ZNF878: variants seen among roughly 807,000 people sequenced by gnomAD.
The protein encoded by ZNF878 is zinc finger protein 878.
In ZNF878, 10 loss-of-function variants were observed where a neutral mutation model predicts 11.1. The observed-to-expected ratio is 0.90, with a 90% CI of 0.56 to 1.53. The LOEUF (loss-of-function observed/expected upper bound fraction) is 1.53, where lower values mean the gene tolerates loss of function less well. ZNF878 is among the 40% of genes most tolerant of loss of function. ZNF878 has a pLI of 0.00. For synonymous variants in ZNF878, 165 were observed against 209.7 expected, an observed-to-expected ratio of 0.79 and a Z score of 1.84; for missense variants, 548 against 626.1, an observed-to-expected ratio of 0.88 and a Z score of 1.33.
chr19:12,048,132 C>T (rs1224677682), intron 1 of ZNF878, among the ~76,000 whole-genome samples: 2 of 152,098 alleles, frequency 1.3e-5, no homozygotes, highest in East Asian at 1.9e-4. Context: ...AGAAACAAAC[C>T]CTTTTGGTAT....
chr19:12,049,396 AGTT>A (rs1052736863), intron 1 of ZNF878, among the ~76,000 whole-genome samples: 18 of 118,946 alleles, frequency 1.5e-4, no homozygotes, highest in African/African-American at 6.0e-4. Context: ...AGGAGATAGA[AGTT>A]GTAGTGAGCA....
chr19:12,043,744 G>T, downstream of ZNF878: 1 of 1,441,838 alleles, frequency 6.9e-7, no homozygotes, highest in South Asian at 1.4e-5. Context: ...ATCCTTCCGT[G>T]CATTTGAAGT....
At chr19:12,046,504 T>C in intron 2 of ZNF878, 76 bp from the exon 3 acceptor site, 1 of 1,556,280 alleles carries the variant, frequency 6.4e-7, no homozygotes, top group South Asian at 1.2e-5. Flanking sequence ...TCTATGTCCA[T>C]GGCTCATTGC....
intron 3 of ZNF878, among the ~76,000 whole-genome samples, chr19:12,045,561 A>G (rs569278420): frequency 1.3e-5 from 2 of 151,902 alleles, no homozygotes; most frequent in South Asian, 4.2e-4. Context: ...GCAGGAGAAT[A>G]GTGTGAACCC....
chr19:12,043,923 G>C lies in ZNF878; in HGVS notation c.1478C>G (p.Ser493Cys). The change falls in exon 4 of 4, where the codon TCT becomes TGT. Residue 493 changes from serine (S) to cysteine (C), a missense_variant. By Grantham distance (112) the Ser-to-Cys change is moderately radical. Coordinates refer to ENST00000547628, the MANE Select transcript of ZNF878 (RefSeq NM_001080404.3). ...ATGAATCCTTTCATGGTAGAGAAAA[G>C]AGTTGGAAGAAATGAAGGCTTTCCC... is the stretch of plus-strand genomic sequence containing the variant. ...QCGKAFISSN[S>C]FLYHERIHTG... 1 of 1,613,888 alleles carries C rather than the reference G, an allele frequency of 6.2e-7. No individual in the cohort carries two copies. The highest frequency in any genetic ancestry group is 8.5e-7 in the Non-Finnish European group (1 of 1,179,978).
In ZNF878 at chr19:12,044,805, T is replaced by C. The variant is rs758662060; in HGVS notation, c.596A>G (p.Tyr199Cys). The C allele has an allele frequency of 1.2e-6, 2 of 1,614,178 alleles. No homozygotes were observed. The highest frequency in any genetic ancestry group is 8.5e-7 in the Non-Finnish European group (1 of 1,180,028). ...TGCTTTCCCACACTGCTTACATTCA[T>C]AGGGTTTTTTTGCAGAGTGGATTCT... ...HERIHSAKKPYECKQCGKALS... is the reference protein window; with the variant it reads ...HERIHSAKKPCECKQCGKALS... The change falls in exon 4 of 4, where the codon TAT (tyrosine) becomes TGT (cysteine). Residue 199 changes from tyrosine (Y) to cysteine (C), a missense_variant. By Grantham distance (194) the Tyr-to-Cys change is radical. Coordinates refer to ENST00000547628, the MANE Select transcript of ZNF878 (RefSeq NM_001080404.3).
At chr19:12,052,744 C>G in intron 1 of ZNF878, 55 bp downstream of exon 1, 2 of 1,533,458 alleles carry the variant, frequency 1.3e-6, no homozygotes, top group Non-Finnish European at 1.7e-6. Flanking sequence ...GGGTTCCTCT[C>G]GGTTCCACCC....
chr19:12,052,152 A>G (rs1393462269), intron 1 of ZNF878, among the ~76,000 whole-genome samples: 1 of 151,994 alleles, frequency 6.6e-6, no homozygotes, highest in Non-Finnish European at 1.5e-5. Flanking sequence ...CTGATTCATC[A>G]TTTTCCTGCA....
intron 1 of ZNF878, among the ~76,000 whole-genome samples, chr19:12,050,079 G>T (rs1012018788): frequency 4.6e-5 from 7 of 152,014 alleles, no homozygotes; most frequent in Admixed American, 3.3e-4. Context: ...ACAAAAATTA[G>T]CCAGGTATGG....
rs777848103 is a variant in ZNF878 at position 12,046,770 on chromosome 19, C to T, written c.4-10G>A. 1.2e-6 allele frequency: 2 copies of T among 1,613,724 alleles called. No homozygotes were observed. Among genetic ancestry groups the T allele is most frequent in the East Asian group, 4.5e-5 (2 of 44,876 alleles). On this transcript the variant is annotated splice_polypyrimidine_tract_variant and intron_variant, in intron 1 of 3. Coordinates refer to ENST00000547628, the MANE Select transcript of ZNF878 (RefSeq NM_001080404.3). ...CAAAGGCCACCGAATCCTGAAATAT[C>T]CCACATGTGGACAGGAGGATGAGTG...
intron 3 of ZNF878, chr19:12,046,064 G>C (rs775545545): frequency 3.0e-4 from 90 of 301,858 alleles, no homozygotes; most frequent in Non-Finnish European, 4.8e-4. Context: ...TACGGTCTTT[G>C]TCTTTTTGTC....
At chr19:12,046,893 A>C in intron 1 of ZNF878, 133 bp from the exon 2 acceptor site, 1 of 1,346,838 alleles carries the variant, frequency 7.4e-7, no homozygotes, top group African/African-American at 1.5e-5. Flanking sequence ...CTTGGTCATC[A>C]GATCCCTTAC....
Position 12,044,925 on chromosome 19 carries a change from C to T in ZNF878, c.476G>A (p.Arg159His), listed in dbSNP as rs369754208. 3.5e-5 allele frequency: 56 copies of T among 1,613,894 alleles called. No individual in the cohort carries two copies. In the African/African-American group the frequency reaches 3.9e-4, roughly 11 times the overall value. ...GKAFRFPSSV[R>H]RHERIHSAKK... ...TGCAGAGTGGATTCTTTCATGTCTA[C>T]GAACAGAACTGGGAAACCTGAATGC... Residue 159 changes from arginine to histidine, a missense_variant, in exon 4 of 4, where the codon CGT (arginine) becomes CAT (histidine). Physicochemically the swap from Arg to His is conservative, Grantham distance 29 (BLOSUM62 0). This residue lies in a region of ZNF878 where 53 missense variants were observed against 94.6 expected (regional missense o/e 0.56). Transcript: ENST00000547628.
At position 12,044,881 on chromosome 19, in the gene ZNF878, T is replaced by TA. The variant is rs748645420; in HGVS notation, c.519dup (p.Lys174Ter). On this transcript the variant is annotated frameshift_variant, in exon 4 of 4. Transcript: ENST00000547628. LOFTEE classifies it low-confidence loss of function (END_TRUNC). The stretch of plus-strand genomic sequence containing the variant: ...AAACTGAATGCTTTCCCACACTGCT[T>TA]ACATTCATAGGGTTTTTTTGCAGAG... 3.7e-6 allele frequency: 6 copies of TA among 1,614,050 alleles called. No homozygotes were observed. Among genetic ancestry groups the TA allele is most frequent in the Non-Finnish European group, 4.2e-6 (5 of 1,180,048 alleles).
intron 1 of ZNF878, among the ~76,000 whole-genome samples, chr19:12,050,164 G>T (rs1199029900): frequency 6.6e-6 from 1 of 152,178 alleles, no homozygotes; most frequent in Non-Finnish European, 1.5e-5. Context: ...GGTGGAGTTT[G>T]CAGTGAGCCA....
Position 12,044,148 on chromosome 19 carries a change from G to A in ZNF878, c.1253C>T (p.Thr418Ile), listed in dbSNP as rs1375796452. ...SVLQKHIRTH[T>I]GEKPYGCKQC... ...CTTACATCCATAGGGTTTCTCTCCT[G>A]TGTGAGTTCGTATGTGCTTTTGAAG... Residue 418 changes from threonine (T) to isoleucine (I), a missense_variant, in exon 4 of 4, where the codon ACA (threonine) becomes ATA (isoleucine). Coordinates refer to ENST00000547628, the MANE Select transcript of ZNF878 (RefSeq NM_001080404.3). 5 of 1,613,714 alleles carry A rather than the reference G, an allele frequency of 3.1e-6. No individual in the cohort carries two copies. The Admixed American group carries it at 5.0e-5, about 16-fold the overall frequency.
intron 1 of ZNF878, among the ~76,000 whole-genome samples, chr19:12,048,809 G>A (rs1395951786): frequency 1.3e-5 from 2 of 149,092 alleles, no homozygotes; most frequent in African/African-American, 5.0e-5. Context: ...CTCCAGCTTG[G>A]GCAACAGAGC....
Position 12,044,167 on chromosome 19 carries a change from T to C in ZNF878, c.1234A>G (p.Lys412Glu). ...TCTCCTGTGTGAGTTCGTATGTGCT[T>C]TTGAAGGACTGAGGCAGATCTGAAG... Reference protein sequence around the residue: ...KAFRSASVLQKHIRTHTGEKP... With the variant: ...KAFRSASVLQEHIRTHTGEKP... Residue 412 changes from lysine to glutamate, a missense_variant, in exon 4 of 4, where the codon AAG becomes GAG. Lys to Glu is a moderately conservative substitution (Grantham distance 56, BLOSUM62 1). Coordinates refer to ENST00000547628, the MANE Select transcript of ZNF878 (RefSeq NM_001080404.3). 1 of 1,610,930 alleles carries C rather than the reference T, an allele frequency of 6.2e-7. No homozygotes were observed. The highest frequency in any genetic ancestry group is 1.4e-5 in the African/African-American group (1 of 73,832).
chr19:12,044,767 C>A lies in ZNF878; in HGVS notation c.634G>T (p.Val212Leu). ...ATTCTCATGTGTGTCTGAAAGCTTA[C>A]AAGATAAGATAATGCTTTCCCACAC... The part of the protein sequence containing the change: ...KQCGKALSYL[V>L]SFQTHMRMHT... The change falls in exon 4 of 4, where the codon GTA becomes TTA. Residue 212 changes from valine (V) to leucine (L), a missense_variant. Val to Leu is a conservative substitution (Grantham distance 32, BLOSUM62 1). This residue lies in a region of ZNF878 where 53 missense variants were observed against 94.6 expected (regional missense o/e 0.56). Transcript: ENST00000547628. 1 of 1,614,104 alleles carries A rather than the reference C, an allele frequency of 6.2e-7. No individual in the cohort carries two copies. The highest frequency in any genetic ancestry group is 1.3e-5 in the African/African-American group (1 of 75,014).
Sources: gnomAD v4.1 joint callset for allele counts (sites outside exome capture counted in the v4.1 genomes callset) on GRCh38, gnomAD v4.1.1 for gene constraint, gnomAD v4.1.1 regional missense constraint, MANE v1.5 for transcripts, NCBI Gene and HGNC (gene_info 2026-07-23, HGNC 2026-07-21) for gene names.